C10orf90: variants seen among roughly 807,000 people sequenced by gnomAD.
C10orf90 encodes the protein chromosome 10 open reading frame 90, also known as (E2-independent) E3 ubiquitin-conjugating enzyme FATS.
A neutral mutation model predicts 62.5 loss-of-function variants in C10orf90; 56 were observed. The observed-to-expected ratio is 0.90, with a 90% CI of 0.72 to 1.12. The LOEUF is 1.12. Ranked by LOEUF, C10orf90 falls within the 50% of genes most tolerant of loss-of-function variation. The pLI is 0.00. For synonymous variants in C10orf90, 386 were observed against 340.4 expected (o/e 1.13, Z -1.47); for missense variants, 970 against 880.4 (o/e 1.10, Z -1.29).
chr10:126,575,194 AAAG>A (rs1031069187), intron 2 of C10orf90, among the ~76,000 whole-genome samples: 1 of 152,072 alleles, frequency 6.6e-6, no homozygotes, highest in African/African-American at 2.4e-5. Context: ...TTAAATTAGA[AAAG>A]AAGAAGTCAA....
At chr10:126,478,072 A>G (rs1010751615) in intron 4 of C10orf90, among the ~76,000 whole-genome samples, 6 of 152,196 alleles carry the variant, frequency 3.9e-5, no homozygotes, top group African/African-American at 1.4e-4. Flanking sequence ...CATTGGAACT[A>G]ACTTGGAATA....
intron 4 of C10orf90, among the ~76,000 whole-genome samples, chr10:126,466,618 A>G (rs897620867): frequency 1.3e-5 from 2 of 152,082 alleles, no homozygotes; most frequent in Admixed American, 6.5e-5. Context: ...AGGGCCCCCA[A>G]AGCACCTTCC....
Position 126,646,598 on chromosome 10 carries a change from C to G in C10orf90, c.280G>C (p.Ala94Pro), listed in dbSNP as rs748448543. Residue 94 changes from alanine (A) to proline (P), a missense_variant, in exon 2 of 10, where the codon GCC becomes CCC. Physicochemically the swap from Ala to Pro is conservative, Grantham distance 27 (BLOSUM62 -1). Transcript: ENST00000488181. ...GAAAGACTTTCATTTCTTTCCCAGGCAGAATGATCTTTGGGGGATGAGAAG... is the reference window on the plus strand; with the variant it reads ...GAAAGACTTTCATTTCTTTCCCAGGGAGAATGATCTTTGGGGGATGAGAAG... ...RLFSSPKDHS[A>P]WERNESLSNA... is the part of the protein sequence containing the mutation. 3.1e-5 allele frequency: 14 copies of G among 450,076 alleles called. No individual in the cohort carries two copies. Among genetic ancestry groups the G allele is most frequent in the African/African-American group, 8.0e-5 (4 of 49,774 alleles). The allele number at this position is 450,076 out of a possible 1,614,324, so 27.9% of individuals were successfully genotyped here.
intron 2 of C10orf90, among the ~76,000 whole-genome samples, chr10:126,521,815 C>T (rs980921920): frequency 4.6e-5 from 7 of 152,188 alleles, no homozygotes; most frequent in African/African-American, 1.7e-4. Flanking sequence ...ATATCTTTGA[C>T]ACTAAATTAT....
intron 1 of C10orf90, among the ~76,000 whole-genome samples, chr10:126,655,904 G>T (rs2133864852): frequency 6.6e-6 from 1 of 151,828 alleles, no homozygotes; most frequent in East Asian, 1.9e-4. Context: ...TCCATGACAT[G>T]CATGCCCTGG....
chr10:126,594,017 T>G (rs1341535015), intron 2 of C10orf90, among the ~76,000 whole-genome samples: 1 of 151,540 alleles, frequency 6.6e-6, no homozygotes, highest in East Asian at 1.9e-4. Context: ...GGGAGGGAAC[T>G]GCTCATGAAG....
chr10:126,594,757 CAGGGCAG>C lies in C10orf90; in HGVS notation c.313+51801_313+51807del, dbSNP rs574682052. ...GAGCATTCCAGGCAAAGGGATCAGC[CAGGGCAG>C]AGGTCCTGAGACAGGAAGGGTTTGC... is the stretch of plus-strand genomic sequence containing the variant. On this transcript the variant is annotated intron_variant, in intron 2 of 9. Coordinates refer to ENST00000488181, the MANE Select transcript of C10orf90 (RefSeq NM_001350921.2). Among the ~76,000 whole-genome samples, 666 of 152,118 alleles carry C rather than the reference CAGGGCAG, an allele frequency of 4.4e-3. 6 individuals are homozygous for C. The highest frequency in any genetic ancestry group is 0.015 in the African/African-American group (639 of 41,484).
At position 126,649,080 on chromosome 10, in the gene C10orf90, C is replaced by T. The variant is rs2366862; in HGVS notation, c.241-2443G>A. Among the ~76,000 whole-genome samples the T allele has an allele frequency of 2.8e-4, 33 of 118,812 alleles. 1 individual carries two copies. Among genetic ancestry groups the T allele is most frequent in the South Asian group, 6.4e-4 (2 of 3,146 alleles). The allele number at this position is 118,812 out of a possible 152,430, so 77.9% of individuals were successfully genotyped here. On this transcript the variant is annotated intron_variant, in intron 1 of 9. Coordinates refer to ENST00000488181, the MANE Select transcript of C10orf90 (RefSeq NM_001350921.2). ...TCTCTCTCTCTCTCTCTCCCCCCCCCCCAGCAATTCACAATGGATGGCAAA... is the reference window on the plus strand; with the variant it reads ...TCTCTCTCTCTCTCTCTCCCCCCCCTCCAGCAATTCACAATGGATGGCAAA...
intron 4 of C10orf90, among the ~76,000 whole-genome samples, chr10:126,494,030 T>C (rs991619180): frequency 1.8e-4 from 27 of 152,298 alleles, no homozygotes; most frequent in Admixed American, 5.9e-4. Context: ...TGCTCTTACA[T>C]GCACAAGGAT....
intron 2 of C10orf90, among the ~76,000 whole-genome samples, chr10:126,559,155 A>G (rs1423772576): frequency 6.6e-6 from 1 of 152,232 alleles, no homozygotes; most frequent in Non-Finnish European, 1.5e-5. Context: ...AACCACATTT[A>G]TCCTCATAGG....
At chr10:126,635,067 C>T (rs1291632472) in intron 2 of C10orf90, among the ~76,000 whole-genome samples, 1 of 152,168 alleles carries the variant, frequency 6.6e-6, no homozygotes, top group Admixed American at 6.6e-5. Flanking sequence ...TTTAATCACC[C>T]TTACAGATTG....
chr10:126,525,591 A>G (rs575895516), intron 2 of C10orf90, among the ~76,000 whole-genome samples: 1 of 152,268 alleles, frequency 6.6e-6, no homozygotes, highest in South Asian at 2.1e-4. Context: ...ATCTCTCATT[A>G]TAAGAGCCAT....
At chr10:126,585,961 A>G (rs925752569) in intron 2 of C10orf90, among the ~76,000 whole-genome samples, 4 of 152,240 alleles carry the variant, frequency 2.6e-5, no homozygotes, top group African/African-American at 9.6e-5. Context: ...TTTAAGACCT[A>G]GTGCTGTAAG....
At chr10:126,631,978 T>C (rs1845858839) in intron 2 of C10orf90, among the ~76,000 whole-genome samples, 1 of 152,016 alleles carries the variant, frequency 6.6e-6, no homozygotes, top group African/African-American at 2.4e-5. Flanking sequence ...GATGCCCCAG[T>C]AGAGCTGGAA....
chr10:126,565,607 C>T (rs988427884), intron 2 of C10orf90, among the ~76,000 whole-genome samples: 6 of 151,006 alleles, frequency 4.0e-5, no homozygotes, highest in African/African-American at 7.3e-5. Context: ...TCGCACTCTG[C>T]GGTCCAGGCT....
chr10:126,432,799 T>C (rs1179721694), intron 7 of C10orf90, among the ~76,000 whole-genome samples: 1 of 152,192 alleles, frequency 6.6e-6, no homozygotes, highest in Non-Finnish European at 1.5e-5. Flanking sequence ...GGCATTGGAA[T>C]CTCAACCAAA....
chr10:126,452,808 C>T (rs1306300284), intron 7 of C10orf90, among the ~76,000 whole-genome samples: 1 of 152,148 alleles, frequency 6.6e-6, no homozygotes, highest in Non-Finnish European at 1.5e-5. Flanking sequence ...TTCCTGTTTT[C>T]TTTGTAGACT....
At chr10:126,610,726 A>T (rs1348120774) in intron 2 of C10orf90, among the ~76,000 whole-genome samples, 2 of 152,208 alleles carry the variant, frequency 1.3e-5, no homozygotes, top group Non-Finnish European at 2.9e-5. Context: ...ATGGAAATTA[A>T]TTGCCTCCCT....
At chr10:126,437,613 C>A (rs938892831) in intron 7 of C10orf90, among the ~76,000 whole-genome samples, 12 of 152,180 alleles carry the variant, frequency 7.9e-5, no homozygotes, top group Non-Finnish European at 1.6e-4. Context: ...AGATCCACAA[C>A]AAATATTTTG....
Sources: gnomAD v4.1 joint callset for allele counts (sites outside exome capture counted in the v4.1 genomes callset) on GRCh38, gnomAD v4.1.1 for gene constraint, MANE v1.5 for transcripts, NCBI Gene and HGNC (gene_info 2026-07-23, HGNC 2026-07-21) for gene names.